Variants in ZC3H12C observed in about 807,000 individuals in gnomAD.
ZC3H12C encodes the protein zinc finger CCCH-type containing 12C, also known as probable ribonuclease ZC3H12C.
ZC3H12C carries 20 observed loss-of-function variants against 76.3 expected under a neutral mutation model. The observed-to-expected ratio is 0.26, with a 90% CI of 0.18 to 0.38. The LOEUF (loss-of-function observed/expected upper bound fraction) is 0.38. Ranked by LOEUF, ZC3H12C falls within the 10% of genes least tolerant of loss-of-function variation. The pLI, the probability that ZC3H12C is intolerant of heterozygous loss-of-function variation, is 1.00. For missense variants in ZC3H12C, 874 were observed against 1,086.5 expected (o/e 0.80, Z 2.75); for synonymous variants, 352 against 399.6 (o/e 0.88, Z 1.42).
At chr11:110,132,140 G>A (rs1267579867) in intron 1 of ZC3H12C, among the ~76,000 whole-genome samples, 9 of 152,068 alleles carry the variant, frequency 5.9e-5, no homozygotes, top group Non-Finnish European at 1.3e-4. Flanking sequence ...TTATGGCATT[G>A]TAACTTTACA....
intron 1 of ZC3H12C, among the ~76,000 whole-genome samples, chr11:110,128,814 C>A (rs1010592137): frequency 6.6e-6 from 1 of 150,382 alleles, no homozygotes; most frequent in Non-Finnish European, 1.5e-5. Flanking sequence ...ATAACAGTGG[C>A]CCTTCTCTTA....
intron 2 of ZC3H12C, among the ~76,000 whole-genome samples, chr11:110,145,025 C>T (rs188329464): frequency 1.2e-4 from 19 of 152,086 alleles, no homozygotes; most frequent in African/African-American, 4.6e-4. Flanking sequence ...AGTGGTTGTC[C>T]CATCATCTTC....
At chr11:110,130,087 A>G (rs1352807126) in intron 1 of ZC3H12C, among the ~76,000 whole-genome samples, 2 of 152,190 alleles carry the variant, frequency 1.3e-5, no homozygotes, top group Non-Finnish European at 2.9e-5. Flanking sequence ...TTAAACAGTT[A>G]TGTTGTATAT....
At chr11:110,129,427 G>A (rs1444082506) in intron 1 of ZC3H12C, among the ~76,000 whole-genome samples, 1 of 152,112 alleles carries the variant, frequency 6.6e-6, no homozygotes, top group Admixed American at 6.6e-5. Context: ...GATCTCATTT[G>A]CATTTGAGTA....
In ZC3H12C at chr11:110,164,541, G is replaced by A; in HGVS notation, c.1456G>A (p.Ala486Thr). The A allele has an allele frequency of 1.2e-6, 2 of 1,613,996 alleles. No homozygotes were observed. The highest frequency in any genetic ancestry group is 1.7e-6 in the Non-Finnish European group (2 of 1,179,898). ...ADSTSDVKRG[A>T]PKRQSDPSIR... ...TAGCACTTCTGATGTCAAACGAGGT[G>A]CTCCAAAGAGGCAATCAGATCCAAG... The change falls in exon 6 of 6, where the codon GCT (alanine) becomes ACT (threonine). Residue 486 changes from alanine (A) to threonine (T), a missense_variant. Transcript: ENST00000278590. The surrounding 1 kb of genome is among the most constrained non-coding windows in gnomAD (Gnocchi z 5.7).
At position 110,159,405 on chromosome 11, in the gene ZC3H12C, A is replaced by G; in HGVS notation, c.1063A>G (p.Asn355Asp). ...ESDGIIVSND[N>D]YRDLANEKPE... ...GGACGGTATCATTGTGTCCAATGAT[A>G]ACTACAGGGACTTGGCTAATGAGAA... The change falls in exon 4 of 6, where the codon AAC (asparagine) becomes GAC (aspartate). Residue 355 changes from asparagine to aspartate, a missense_variant. This residue lies in a region of ZC3H12C where 269 missense variants were observed against 424.9 expected (regional missense o/e 0.63). Transcript: ENST00000278590. 1 of 1,613,974 alleles carries G rather than the reference A, an allele frequency of 6.2e-7. No homozygotes were observed. Among genetic ancestry groups the G allele is most frequent in the Non-Finnish European group, 8.5e-7 (1 of 1,179,904 alleles).
chr11:110,118,890 T>C (rs1310390033), intron 1 of ZC3H12C, among the ~76,000 whole-genome samples: 1 of 152,194 alleles, frequency 6.6e-6, no homozygotes, highest in Non-Finnish European at 1.5e-5. Context: ...ATTTTAAAAT[T>C]TTCAATAAAC....
In ZC3H12C at chr11:110,166,577, T is replaced by G. The variant is rs570775952; in HGVS notation, c.*840T>G. 6.6e-6 allele frequency: 1 copy of G among 152,356 alleles called. No homozygotes were observed. Among genetic ancestry groups the G allele is most frequent in the South Asian group, 2.1e-4 (1 of 4,830 alleles). 9.4% of individuals were successfully genotyped at this position (152,356 alleles called of 1,614,324 possible). ...ATGATGTGCTTCTTGACAGTAGAAG[T>G]GGAATTGAATTCCTAGATTTCCATT... is the stretch of plus-strand genomic sequence containing the variant. On this transcript the variant is annotated 3_prime_UTR_variant, in exon 6 of 6. Coordinates refer to ENST00000278590, the MANE Select transcript of ZC3H12C (RefSeq NM_033390.2).
chr11:110,096,060 A>C (rs1049971463), intron 1 of ZC3H12C, among the ~76,000 whole-genome samples: 2 of 152,246 alleles, frequency 1.3e-5, no homozygotes, highest in Non-Finnish European at 2.9e-5. Context: ...ATGGACCTGC[A>C]GCATATGAAA....
intron 1 of ZC3H12C, 140 bp from the exon 2 acceptor site, chr11:110,136,523 A>T: frequency 1.1e-6 from 1 of 884,354 alleles, no homozygotes; most frequent in Non-Finnish European, 1.7e-6. Flanking sequence ...CTCTCTTGGC[A>T]AGGGTGTTAG....
At chr11:110,106,181 T>C (rs1861322135) in intron 1 of ZC3H12C, among the ~76,000 whole-genome samples, 1 of 63,246 alleles carries the variant, frequency 1.6e-5, no homozygotes, top group Non-Finnish European at 3.2e-5. Context: ...GGCAGGAGAA[T>C]GGCGTGAACC....
chr11:110,159,611 G>C, intron 4 of ZC3H12C, 121 bp downstream of exon 4: 1 of 848,554 alleles, frequency 1.2e-6, no homozygotes, highest in Non-Finnish European at 1.8e-6. Context: ...TCTAACAACT[G>C]ATCTCCCCAC....
intron 2 of ZC3H12C, among the ~76,000 whole-genome samples, chr11:110,148,965 A>G (rs1019614325): frequency 5.9e-5 from 9 of 152,096 alleles, no homozygotes; most frequent in African/African-American, 2.2e-4. Flanking sequence ...GTTGTCCCTT[A>G]TATTGTATCT....
intron 1 of ZC3H12C, among the ~76,000 whole-genome samples, chr11:110,099,546 A>G (rs1357271384): frequency 1.3e-5 from 2 of 152,214 alleles, no homozygotes; most frequent in Non-Finnish European, 2.9e-5. Context: ...ACTGAGAAAT[A>G]ACTTCAGGTT....
chr11:110,159,107 G>T, intron 3 of ZC3H12C, 149 bp from the exon 4 acceptor site: 1 of 618,630 alleles, frequency 1.6e-6, no homozygotes, highest in East Asian at 2.8e-5. Flanking sequence ...AGTTGGAAAT[G>T]ATGCTGTATC....
intron 1 of ZC3H12C, chr11:110,131,182 A>T: frequency 1.8e-6 from 2 of 1,091,138 alleles, no homozygotes; most frequent in Non-Finnish European, 2.7e-6. Context: ...TGAACTCTGT[A>T]AAAGAAATCA....
intron 1 of ZC3H12C, among the ~76,000 whole-genome samples, chr11:110,094,748 CT>C (rs1248984750): frequency 1.3e-5 from 2 of 152,180 alleles, no homozygotes; most frequent in Non-Finnish European, 2.9e-5. Flanking sequence ...ACTTGACCCC[CT>C]GTTCACCTGT....
chr11:110,098,120 C>T (rs1436766007), intron 1 of ZC3H12C, among the ~76,000 whole-genome samples: 1 of 152,082 alleles, frequency 6.6e-6, no homozygotes, highest in Non-Finnish European at 1.5e-5. Context: ...TGCCTGTTAC[C>T]GCCCCTGAAG....
At chr11:110,134,206 CAAT>C (rs1861914364) in intron 1 of ZC3H12C, among the ~76,000 whole-genome samples, 1 of 151,946 alleles carries the variant, frequency 6.6e-6, no homozygotes, top group African/African-American at 2.4e-5. Context: ...GTTTATAGAA[CAAT>C]GATGTCGGAG....
Sources: allele counts gnomAD v4.1 joint callset (sites outside exome capture counted in the v4.1 genomes callset), GRCh38; gene constraint gnomAD v4.1.1; regional missense constraint gnomAD v4.1.1; non-coding constraint Gnocchi (gnomAD v3.1); transcripts MANE v1.5; gene names NCBI Gene and HGNC (gene_info 2026-07-23, HGNC 2026-07-21).